PDE7B: variants seen among roughly 807,000 people sequenced by gnomAD.
PDE7B encodes phosphodiesterase 7B, also known as 3',5'-cyclic-AMP phosphodiesterase 7B.
In PDE7B, 29 loss-of-function variants were observed where a neutral mutation model predicts 56.2. The ratio of observed to expected loss-of-function variants is 0.52; its 90% CI spans 0.38 to 0.70. The LOEUF (loss-of-function observed/expected upper bound fraction) is 0.70, where lower values mean the gene tolerates loss of function less well. Among genes scored for constraint, PDE7B ranks in the 30% least tolerant of loss-of-function variants. The pLI, the probability that PDE7B is intolerant of heterozygous loss-of-function variation, is 0.00. For missense variants in PDE7B, 490 were observed against 565.0 expected, an observed-to-expected ratio of 0.87 and a Z score of 1.35; for synonymous variants, 197 against 196.9, an observed-to-expected ratio of 1.00 and a Z score of 0.00.
intron 9 of PDE7B, among the ~76,000 whole-genome samples, chr6:136,178,072 C>T (rs987857312): frequency 9.9e-5 from 15 of 152,054 alleles, no homozygotes; most frequent in Admixed American, 3.3e-4. Flanking sequence ...AATTAAGTTG[C>T]GTGGTTTATA....
At chr6:136,085,989 T>C (rs1043194791) in intron 2 of PDE7B, among the ~76,000 whole-genome samples, 3 of 152,238 alleles carry the variant, frequency 2.0e-5, no homozygotes, top group African/African-American at 7.2e-5. Flanking sequence ...CATCATACTC[T>C]TACGGTTTTG....
chr6:136,089,010 A>T (rs1777339547), intron 2 of PDE7B, among the ~76,000 whole-genome samples: 1 of 152,008 alleles, frequency 6.6e-6, no homozygotes, highest in Non-Finnish European at 1.5e-5. Flanking sequence ...AAAAAAAGAA[A>T]CACGGGGAAC....
intron 3 of PDE7B, among the ~76,000 whole-genome samples, chr6:136,110,057 G>A (rs879689369): frequency 6.6e-5 from 10 of 152,100 alleles, no homozygotes; most frequent in Non-Finnish European, 1.5e-4. Context: ...CCAATAGTAG[G>A]TGGCATGTTT....
At chr6:136,177,404 C>T (rs947747292) in intron 9 of PDE7B, among the ~76,000 whole-genome samples, 3 of 152,048 alleles carry the variant, frequency 2.0e-5, no homozygotes, top group African/African-American at 7.2e-5. Flanking sequence ...ATTTGCAACA[C>T]GTAGCTGACA....
chr6:135,879,938 T>A (rs183873468), intron 1 of PDE7B, among the ~76,000 whole-genome samples: 15 of 152,290 alleles, frequency 9.8e-5, no homozygotes, highest in Non-Finnish European at 1.5e-5. Context: ...AATAAAATTA[T>A]GTATGTACAT....
At chr6:136,155,877 G>A (rs763581447) in intron 8 of PDE7B, 119 bp downstream of exon 8, 19 of 1,071,890 alleles carry the variant, frequency 1.8e-5, no homozygotes, top group Admixed American at 5.7e-5. Context: ...GTTCAAAGAC[G>A]AATGAAACAC....
At chr6:136,158,413 G>C (rs182165622) in intron 8 of PDE7B, among the ~76,000 whole-genome samples, 2 of 152,164 alleles carry the variant, frequency 1.3e-5, no homozygotes, top group Admixed American at 1.3e-4. Context: ...CAAGAATACC[G>C]TAGAGAGGAT....
At chr6:136,073,518 G>C (rs565006044) in intron 2 of PDE7B, among the ~76,000 whole-genome samples, 1 of 152,054 alleles carries the variant, frequency 6.6e-6, no homozygotes, top group East Asian at 1.9e-4. Flanking sequence ...CTCTCCCCTC[G>C]GCTTGTAGAT....
At chr6:136,172,578 G>C (rs1322210349) in intron 8 of PDE7B, among the ~76,000 whole-genome samples, 3 of 151,972 alleles carry the variant, frequency 2.0e-5, no homozygotes, top group Admixed American at 6.6e-5. Context: ...CTCCCATTTT[G>C]TAGGTTGCCT....
At chr6:135,990,297 T>C (rs1775458288) in intron 2 of PDE7B, among the ~76,000 whole-genome samples, 1 of 152,164 alleles carries the variant, frequency 6.6e-6, no homozygotes. Context: ...GGTTTCACCA[T>C]GTTGGCCTGG....
intron 2 of PDE7B, among the ~76,000 whole-genome samples, chr6:135,967,029 C>A (rs569382758): frequency 1.3e-5 from 2 of 152,290 alleles, no homozygotes; most frequent in East Asian, 3.9e-4. Flanking sequence ...CCTTTCCCTG[C>A]AGTGGCATTG....
At chr6:135,981,166 C>T (rs1274543880) in intron 2 of PDE7B, among the ~76,000 whole-genome samples, 1 of 151,568 alleles carries the variant, frequency 6.6e-6, no homozygotes, top group Non-Finnish European at 1.5e-5. Context: ...TCATCATTCT[C>T]AGTAAACTAT....
intron 1 of PDE7B, among the ~76,000 whole-genome samples, chr6:135,924,617 C>CTCTTTTTT (rs757490280): frequency 2.0e-5 from 1 of 49,582 alleles, no homozygotes; most frequent in Non-Finnish European, 3.4e-5. Flanking sequence ...CTCTCTCTCT[C>CTCTTTTTT]TTTTTTTTTT....
chr6:135,932,592 A>G (rs965597388), intron 1 of PDE7B, among the ~76,000 whole-genome samples: 1 of 152,230 alleles, frequency 6.6e-6, no homozygotes, highest in Non-Finnish European at 1.5e-5. Context: ...AGATGCACAC[A>G]TTCATGAAAT....
chr6:135,876,742 C>A (rs2128187822), intron 1 of PDE7B, among the ~76,000 whole-genome samples: 1 of 152,148 alleles, frequency 6.6e-6, no homozygotes, highest in East Asian at 1.9e-4. Context: ...ACCTGTAATC[C>A]CACCTACTCA....
At chr6:135,982,428 T>C (rs114717635) in intron 2 of PDE7B, among the ~76,000 whole-genome samples, 5,351 of 152,228 alleles carry the variant, frequency 0.035, 138 homozygotes, top group Non-Finnish European at 0.049. Context: ...TTCTTCTCTC[T>C]GTCTCAACTT....
intron 2 of PDE7B, among the ~76,000 whole-genome samples, chr6:136,071,850 T>A (rs1777054946): frequency 6.6e-6 from 1 of 152,236 alleles, no homozygotes; most frequent in Non-Finnish European, 1.5e-5. Context: ...GACATGATCA[T>A]ATAACAATGC....
intron 12 of PDE7B, among the ~76,000 whole-genome samples, chr6:136,187,818 A>G (rs1779165143): frequency 6.6e-6 from 1 of 152,210 alleles, no homozygotes; most frequent in Non-Finnish European, 1.5e-5. Context: ...AAGACTTTCT[A>G]TCACACCTTA....
At chr6:136,148,771 T>G (rs1583908958) in intron 4 of PDE7B, among the ~76,000 whole-genome samples, 1 of 152,202 alleles carries the variant, frequency 6.6e-6, no homozygotes, top group South Asian at 2.1e-4. Context: ...GACAGAGGGC[T>G]GGAAGTCCAG....
Sources: allele counts gnomAD v4.1 joint callset (sites outside exome capture counted in the v4.1 genomes callset), GRCh38; gene constraint gnomAD v4.1.1; transcripts MANE v1.5; gene names NCBI Gene and HGNC (gene_info 2026-07-23, HGNC 2026-07-21).